Variants in NCALD observed in about 807,000 individuals in gnomAD.
NCALD encodes the protein neurocalcin delta.
A neutral mutation model predicts 18.6 loss-of-function variants in NCALD; 10 were observed. The ratio of observed to expected loss-of-function variants is 0.54; its 90% confidence interval spans 0.33 to 0.91. NCALD has a LOEUF of 0.91. Among genes scored for constraint, NCALD ranks in the 40% least tolerant of loss-of-function variants. The probability of loss-of-function intolerance (pLI) is 0.03; values close to 1 mark genes in which losing one functional copy is unlikely to be tolerated. For missense variants in NCALD, 184 were observed against 247.6 expected, an observed-to-expected ratio of 0.74 and a Z score of 1.72; for synonymous variants, 88 against 87.4, an observed-to-expected ratio of 1.01 and a Z score of -0.04.
chr8:102,001,972 T>C (rs972924063), intron 2 of NCALD, among the ~76,000 whole-genome samples: 9 of 152,232 alleles, frequency 5.9e-5, no homozygotes, highest in African/African-American at 1.9e-4. Context: ...CATCAACTAA[T>C]GAGCAAAATA....
intron 4 of NCALD, among the ~76,000 whole-genome samples, chr8:101,806,227 A>G (rs1402813234): frequency 2.6e-5 from 4 of 152,162 alleles, no homozygotes; most frequent in African/African-American, 7.2e-5. Flanking sequence ...ACTCCAGAGA[A>G]GAGAGAAGAA....
chr8:102,094,323 A>T (rs892278470), intron 1 of NCALD, among the ~76,000 whole-genome samples: 10 of 152,236 alleles, frequency 6.6e-5, no homozygotes. Context: ...GCACTGTACC[A>T]GATGCTTTGT....
At chr8:101,815,787 T>A (rs1813473884) in intron 4 of NCALD, among the ~76,000 whole-genome samples, 1 of 152,126 alleles carries the variant, frequency 6.6e-6, no homozygotes, top group Non-Finnish European at 1.5e-5. Context: ...GCAATCACAC[T>A]CCTTGGTATT....
intron 1 of NCALD, chr8:102,124,147 C>T (rs866143802): frequency 6.6e-6 from 1 of 152,130 alleles, no homozygotes; most frequent in African/African-American, 2.4e-5. Context: ...ACGGGTCCCC[C>T]CCAGCAGCCG....
At chr8:101,913,402 AT>A (rs1274595429) in intron 3 of NCALD, among the ~76,000 whole-genome samples, 3 of 152,268 alleles carry the variant, frequency 2.0e-5, no homozygotes, top group African/African-American at 2.4e-5. Context: ...CAAAACTTGA[AT>A]GCAGAAAATC....
At chr8:101,917,780 C>T (rs781668468) in intron 2 of NCALD, among the ~76,000 whole-genome samples, 1 of 151,964 alleles carries the variant, frequency 6.6e-6, no homozygotes, top group Non-Finnish European at 1.5e-5. Flanking sequence ...TTAGAAGGAA[C>T]TTGAAACCCT....
At chr8:101,744,420 C>T (rs1810343097) in intron 1 of NCALD, among the ~76,000 whole-genome samples, 1 of 152,234 alleles carries the variant, frequency 6.6e-6, no homozygotes, top group Non-Finnish European at 1.5e-5. Flanking sequence ...TCAAAGTTCA[C>T]TTGGGTGATT....
At position 101,688,988 on chromosome 8, in the gene NCALD, C is replaced by T. The variant is rs1814583766; in HGVS notation, c.*321G>A. The T allele has an allele frequency of 2.9e-6, 2 of 682,026 alleles. No individual in the cohort carries two copies. Among genetic ancestry groups the T allele is most frequent in the East Asian group, 2.7e-5 (1 of 37,120 alleles). The allele number at this position is 682,026 out of a possible 1,614,324, so 42.2% of individuals were successfully genotyped here. On this transcript the variant is annotated 3_prime_UTR_variant, in exon 4 of 4. Transcript: ENST00000220931. ...TCACAGGACTGGATGGGTTTCCCTTCTTTTGCCCCAACCCCCGAGTCTTAC... is the reference window on the plus strand; with the variant it reads ...TCACAGGACTGGATGGGTTTCCCTTTTTTTGCCCCAACCCCCGAGTCTTAC...
chr8:101,975,814 G>A (rs1820400612), intron 2 of NCALD, among the ~76,000 whole-genome samples: 1 of 152,126 alleles, frequency 6.6e-6, no homozygotes, highest in African/African-American at 2.4e-5. Context: ...TGCAAGCTGT[G>A]TTTTCTATCT....
At chr8:101,854,510 T>A (rs1815227211) in intron 4 of NCALD, among the ~76,000 whole-genome samples, 1 of 152,180 alleles carries the variant, frequency 6.6e-6, no homozygotes, top group Non-Finnish European at 1.5e-5. Flanking sequence ...CCTCATTTCC[T>A]GCATTCTAAT....
At chr8:101,828,783 A>T (rs979737238) in intron 4 of NCALD, among the ~76,000 whole-genome samples, 4 of 151,970 alleles carry the variant, frequency 2.6e-5, no homozygotes, top group African/African-American at 4.8e-5. Flanking sequence ...CATATTTTAA[A>T]TGATCTGTGT....
intron 2 of NCALD, among the ~76,000 whole-genome samples, chr8:102,000,232 G>A (rs939534726): frequency 4.6e-5 from 7 of 152,140 alleles, no homozygotes; most frequent in Non-Finnish European, 5.9e-5. Flanking sequence ...ACCATATTCC[G>A]CGCCTGGCTC....
At chr8:101,741,565 A>G (rs1339781437) in intron 1 of NCALD, among the ~76,000 whole-genome samples, 2 of 152,044 alleles carry the variant, frequency 1.3e-5, no homozygotes, top group African/African-American at 2.4e-5. Flanking sequence ...AAAGTTTCAA[A>G]CATGCTTACT....
chr8:101,836,072 G>C (rs1337241738), intron 4 of NCALD, among the ~76,000 whole-genome samples: 1 of 152,158 alleles, frequency 6.6e-6, no homozygotes, highest in East Asian at 1.9e-4. Context: ...ATTTCCCACT[G>C]AAGGGACGGG....
intron 3 of NCALD, among the ~76,000 whole-genome samples, chr8:101,909,076 G>T (rs559028041): frequency 6.6e-6 from 1 of 152,146 alleles, no homozygotes; most frequent in South Asian, 2.1e-4. Context: ...TTTCAAGGTG[G>T]TCTTTGAAAT....
chr8:101,892,571 C>A (rs552739634), intron 3 of NCALD, among the ~76,000 whole-genome samples: 2 of 148,820 alleles, frequency 1.3e-5, no homozygotes, highest in African/African-American at 2.6e-5. Flanking sequence ...CTCCGAGCTA[C>A]AGGAGGAAAT....
intron 2 of NCALD, among the ~76,000 whole-genome samples, chr8:101,981,629 A>G (rs1013749863): frequency 1.8e-4 from 28 of 152,340 alleles, no homozygotes; most frequent in African/African-American, 6.7e-4. Flanking sequence ...TTCAAGACCA[A>G]TGACAAATTA....
At chr8:102,018,947 A>C (rs1822181291) in intron 2 of NCALD, among the ~76,000 whole-genome samples, 1 of 152,190 alleles carries the variant, frequency 6.6e-6, no homozygotes, top group Non-Finnish European at 1.5e-5. Context: ...TGTTCATAAA[A>C]AAGAGTAAAA....
At chr8:102,115,599 G>A (rs1207022527) in intron 1 of NCALD, among the ~76,000 whole-genome samples, 1 of 152,194 alleles carries the variant, frequency 6.6e-6, no homozygotes, top group Non-Finnish European at 1.5e-5. Flanking sequence ...TGTGCCCGAT[G>A]TACACAGGCC....
Sources: allele counts gnomAD v4.1 joint callset (sites outside exome capture counted in the v4.1 genomes callset), GRCh38; gene constraint gnomAD v4.1.1; transcripts MANE v1.5; gene names NCBI Gene and HGNC (gene_info 2026-07-23, HGNC 2026-07-21).